The following TMEM114 variants were observed in gnomAD, a reference collection of about 807,000 sequenced individuals.
TMEM114 encodes the protein transmembrane protein 114.
Under a neutral mutation model 6.2 loss-of-function variants are expected in TMEM114, and 6 were observed. The observed-to-expected ratio is 0.97, with a 90% CI of 0.53 to 1.91. TMEM114 has a LOEUF of 1.91. TMEM114 is among the 40% of genes most tolerant of loss of function. The pLI is 0.01. For missense variants in TMEM114, 218 were observed against 158.3 expected (o/e 1.38, Z -2.02); for synonymous variants, 104 against 73.0 (o/e 1.42, Z -2.16).
At chr16:8,526,728 T>C in the TMEM114 span, 4 of 152,178 alleles carry the variant, frequency 2.6e-5, no homozygotes, top group Non-Finnish European at 1.5e-5. Context: ...AATTACCCAG[T>C]CTCAAGTATT....
intron 2 of TMEM114, among the ~76,000 whole-genome samples, chr16:8,552,105 C>T (rs188340418): frequency 1.5e-4 from 23 of 151,774 alleles, no homozygotes; most frequent in Non-Finnish European, 3.2e-4. Context: ...CCAGGCACAG[C>T]GGCTCACACC....
At chr16:8,539,754 C>T (rs1200501947) in intron 2 of TMEM114, among the ~76,000 whole-genome samples, 1 of 150,932 alleles carries the variant, frequency 6.6e-6, no homozygotes, top group African/African-American at 2.4e-5. Flanking sequence ...AAAACCTAAA[C>T]TAAAAAAGAA....
downstream of TMEM114, among the ~76,000 whole-genome samples, chr16:8,533,420 C>T (rs1900271387): frequency 6.6e-6 from 1 of 152,084 alleles, no homozygotes; most frequent in Non-Finnish European, 1.5e-5. Context: ...GGGCCAAGGC[C>T]TGTGTGGATG....
chr16:8,557,095 G>T (rs1901037554), intron 2 of TMEM114, among the ~76,000 whole-genome samples: 1 of 152,134 alleles, frequency 6.6e-6, no homozygotes, highest in Non-Finnish European at 1.5e-5. Context: ...TCTAAACGTG[G>T]CTCTAGCAGC....
chr16:8,545,000 T>A (rs894024683), intron 2 of TMEM114, among the ~76,000 whole-genome samples: 4 of 152,104 alleles, frequency 2.6e-5, no homozygotes, highest in African/African-American at 9.7e-5. Flanking sequence ...GAAATGCAGT[T>A]TCCACAGTGC....
intron 2 of TMEM114, among the ~76,000 whole-genome samples, chr16:8,564,127 GAGTT>G (rs1277994712): frequency 6.6e-6 from 1 of 151,146 alleles, no homozygotes; most frequent in East Asian, 1.9e-4. Flanking sequence ...GTGAATGAGT[GAGTT>G]AGTGAATGAG....
intron 2 of TMEM114, among the ~76,000 whole-genome samples, chr16:8,562,526 T>TGAGTGAGTGAATGAATGAGTGAGTGAGTG (rs1465142445): frequency 7.9e-6 from 1 of 127,264 alleles, no homozygotes; most frequent in Admixed American, 7.7e-5. Flanking sequence ...ATGAGTGAGT[T>TGAGTGAGTGAATGAATGAGTGAGTGAGTG]AATGAGTGAG....
intron 2 of TMEM114, among the ~76,000 whole-genome samples, chr16:8,587,090 C>T (rs1401671701): frequency 6.6e-6 from 1 of 152,028 alleles, no homozygotes; most frequent in African/African-American, 2.4e-5. Context: ...ATTTGCACCA[C>T]AGAAATAGGC....
chr16:8,572,319 G>T, intron 2 of TMEM114, 95 bp from the exon 3 acceptor site: 1 of 1,376,374 alleles, frequency 7.3e-7, no homozygotes, highest in Non-Finnish European at 1.0e-6. Flanking sequence ...TAGAGCTGGG[G>T]AAAATCCACA....
downstream of TMEM114, among the ~76,000 whole-genome samples, chr16:8,568,267 G>A (rs928034696): frequency 1.3e-5 from 2 of 152,154 alleles, no homozygotes; most frequent in Admixed American, 1.3e-4. Context: ...TGGGTCTGGA[G>A]GAGTCATTGC....
rs150162437 is a variant in TMEM114, at chr16:8,576,814, G to A, written c.302-4590C>T. 2.0e-5 allele frequency among the ~76,000 whole-genome samples: 3 copies of A among 152,250 alleles called. No homozygotes were observed. In the East Asian group the frequency reaches 5.8e-4, roughly 29 times the overall value. On this transcript the variant is annotated intron_variant, in intron 2 of 3. Transcript: ENST00000620492. ...TCTAATAGGTGCTTTATTTTGGGATGGGTATTGTAGAGGTACAAAGTTGGA... is the reference window on the plus strand; with the variant it reads ...TCTAATAGGTGCTTTATTTTGGGATAGGTATTGTAGAGGTACAAAGTTGGA...
intron 2 of TMEM114, among the ~76,000 whole-genome samples, chr16:8,573,295 C>A (rs1355442241): frequency 6.6e-6 from 1 of 152,154 alleles, no homozygotes; most frequent in Non-Finnish European, 1.5e-5. Flanking sequence ...AACGGATCCA[C>A]CTGGAGAACA....
At chr16:8,526,675 C>T in the TMEM114 span, 1 of 152,360 alleles carries the variant, frequency 6.6e-6, no homozygotes, top group East Asian at 1.9e-4. Context: ...GCTTCTTGTA[C>T]AGCCTGCAGA....
At chr16:8,541,357 A>G (rs2141649231) in intron 2 of TMEM114, among the ~76,000 whole-genome samples, 1 of 152,270 alleles carries the variant, frequency 6.6e-6, no homozygotes, top group Admixed American at 6.5e-5. Flanking sequence ...ATTATTAATA[A>G]TACTAAGACC....
intron 2 of TMEM114, 68 bp from the exon 3 acceptor site, chr16:8,572,292 A>C: frequency 7.8e-6 from 12 of 1,529,518 alleles, no homozygotes; most frequent in Non-Finnish European, 9.8e-6. Flanking sequence ...ATCAACAAAC[A>C]CTTCCCGAGC....
chr16:8,567,306 C>G (rs542608607), downstream of TMEM114, among the ~76,000 whole-genome samples: 19 of 152,244 alleles, frequency 1.2e-4, no homozygotes, highest in South Asian at 3.7e-3. Flanking sequence ...CCCATGTGAG[C>G]TAGGAAGGGT....
chr16:8,554,603 C>T (rs1308830305), intron 2 of TMEM114, among the ~76,000 whole-genome samples: 3 of 152,142 alleles, frequency 2.0e-5, no homozygotes, highest in African/African-American at 7.2e-5. Context: ...ACAGTGTCTG[C>T]TGGTGCATAC....
At chr16:8,563,833 G>GTAAA (rs1901394703) in intron 2 of TMEM114, among the ~76,000 whole-genome samples, 1 of 129,426 alleles carries the variant, frequency 7.7e-6, no homozygotes, top group Non-Finnish European at 1.6e-5. Flanking sequence ...GAGTGAATGA[G>GTAAA]TGAGGGAGGG....
Position 8,569,542 on chromosome 16 carries a change from C to T in TMEM114, c.*231G>A, listed in dbSNP as rs915823197. ...TTTTATTTCTCGCGAAGCGGTTTGGCACTCCCTCGGGCTCCTCCAGGCCAC... is the reference window on the plus strand; with the variant it reads ...TTTTATTTCTCGCGAAGCGGTTTGGTACTCCCTCGGGCTCCTCCAGGCCAC... On this transcript the variant is annotated 3_prime_UTR_variant, in exon 4 of 4. Coordinates refer to ENST00000620492, the MANE Select transcript of TMEM114 (RefSeq NM_001146336.2). 7.1e-6 allele frequency: 10 copies of T among 1,400,860 alleles called. No individual in the cohort carries two copies. In the South Asian group the frequency reaches 1.3e-4, roughly 19 times the overall value. The allele number at this position is 1,400,860 out of a possible 1,614,324, so 86.8% of individuals were successfully genotyped here. A position where few individuals can be genotyped will look rare whatever the true frequency, so the allele number is the denominator to read the frequency against.
Sources: gnomAD v4.1 joint callset for allele counts (sites outside exome capture counted in the v4.1 genomes callset) on GRCh38, gnomAD v4.1.1 for gene constraint, MANE v1.5 for transcripts, NCBI Gene and HGNC (gene_info 2026-07-23, HGNC 2026-07-21) for gene names.